The following FOCAD variants were observed in gnomAD, a reference collection of about 807,000 sequenced individuals.
The protein encoded by FOCAD is KIAA1797.
FOCAD carries 198 observed loss-of-function variants against 225.6 expected under a neutral mutation model. That is an observed-to-expected ratio of 0.88 (90% CI 0.78 to 0.99). The LOEUF is 0.99. FOCAD is among the 50% of genes least tolerant of loss of function. The pLI, the probability that FOCAD is intolerant of heterozygous loss-of-function variation, is 0.00. For synonymous variants in FOCAD, 897 were observed against 755.0 expected (o/e 1.19, Z -3.08); for missense variants, 2,713 against 2,123.6 (o/e 1.28, Z -5.46).
At chr9:20,814,287 CTTCTT>C (rs1345634336) in intron 11 of FOCAD, among the ~76,000 whole-genome samples, 2 of 151,584 alleles carry the variant, frequency 1.3e-5, no homozygotes, top group African/African-American at 2.4e-5. Flanking sequence ...CTCTTGCTGT[CTTCTT>C]TTATGTTTCA....
intron 35 of FOCAD, among the ~76,000 whole-genome samples, chr9:20,958,848 G>A (rs1474599184): frequency 6.6e-6 from 1 of 152,058 alleles, no homozygotes; most frequent in Non-Finnish European, 1.5e-5. Flanking sequence ...TTCTATCCAT[G>A]CTGCCATGAC....
intron 12 of FOCAD, among the ~76,000 whole-genome samples, 171 bp downstream of exon 12, chr9:20,820,071 A>G (rs533828646): frequency 1.3e-5 from 2 of 152,200 alleles, no homozygotes; most frequent in African/African-American, 2.4e-5. Context: ...AATATTTAAT[A>G]ATTAATTGTT....
Position 20,913,061 on chromosome 9 carries a change from G to A in FOCAD, c.2807+107G>A, listed in dbSNP as rs144572225. 377 of 812,204 alleles carry A rather than the reference G, an allele frequency of 4.6e-4. No homozygotes were observed. In the African/African-American group the frequency reaches 5.9e-3, roughly 13 times the overall value. The allele number at this position is 812,204 out of a possible 1,614,324, so 50.3% of individuals were successfully genotyped here. Reference sequence around the variant, plus strand: ...AGATTAGCAGGTTTAACCTCTATATGTGAGCCTGAAGGGGAAATGACAGAA... The same window carrying A: ...AGATTAGCAGGTTTAACCTCTATATATGAGCCTGAAGGGGAAATGACAGAA... On this transcript the variant is annotated intron_variant, in intron 23 of 43. Transcript: ENST00000338382.
intron 15 of FOCAD, among the ~76,000 whole-genome samples, chr9:20,859,706 T>C (rs1222764836): frequency 6.8e-6 from 1 of 147,026 alleles, no homozygotes; most frequent in African/African-American, 2.5e-5. Flanking sequence ...ATATATATAA[T>C]ATATATATTA....
intron 35 of FOCAD, among the ~76,000 whole-genome samples, chr9:20,956,829 A>G (rs933393798): frequency 6.6e-6 from 1 of 152,084 alleles, no homozygotes; most frequent in African/African-American, 2.4e-5. Flanking sequence ...TGCTTCTGGG[A>G]TTACAGCCAT....
At chr9:20,954,797 A>C (rs1003988627) in intron 35 of FOCAD, among the ~76,000 whole-genome samples, 1 of 152,208 alleles carries the variant, frequency 6.6e-6, no homozygotes, top group Non-Finnish European at 1.5e-5. Flanking sequence ...TTTGCTGACT[A>C]GATTCAGAGG....
At chr9:20,776,126 A>C (rs114007300) in intron 8 of FOCAD, among the ~76,000 whole-genome samples, 1 of 152,212 alleles carries the variant, frequency 6.6e-6, no homozygotes, top group Non-Finnish European at 1.5e-5. Context: ...GGCTACTGCT[A>C]CTAGTTGCTT....
At chr9:20,732,740 G>A (rs1206526987) in intron 4 of FOCAD, among the ~76,000 whole-genome samples, 3 of 152,164 alleles carry the variant, frequency 2.0e-5, no homozygotes, top group Non-Finnish European at 4.4e-5. Flanking sequence ...CGAGTGAGAG[G>A]TGATGGTTGC....
intron 18 of FOCAD, chr9:20,874,252 C>T (rs776331961): frequency 1.4e-4 from 22 of 159,530 alleles, no homozygotes; most frequent in Non-Finnish European, 1.5e-4. Context: ...TAAGCTCTGT[C>T]ATGGACATAT....
intron 4 of FOCAD, among the ~76,000 whole-genome samples, chr9:20,730,694 C>T (rs761264728): frequency 5.3e-5 from 8 of 152,084 alleles, no homozygotes; most frequent in Non-Finnish European, 7.4e-5. Flanking sequence ...GGACTTCTTG[C>T]CCCGGTCTTA....
chr9:20,938,293 C>T (rs550356146), intron 28 of FOCAD, among the ~76,000 whole-genome samples: 93 of 152,138 alleles, frequency 6.1e-4, no homozygotes, highest in African/African-American at 1.6e-3. Context: ...ATGTTTATTG[C>T]GGCACTATTC....
rs761094777 is a variant in FOCAD at position 20,789,589 on chromosome 9, C to T, written c.1436C>T (p.Ala479Val). The T allele has an allele frequency of 3.1e-6, 5 of 1,613,840 alleles. 1 individual carries two copies. The highest frequency in any genetic ancestry group is 3.3e-4 in the Middle Eastern group (2 of 6,060). ...HQILKVTTEL[A>V]QADSSQVPNL... ...ATACTCAAGGTCACTACAGAATTAGCCCAAGCAGATTCCTCCCAGGTAAAG... is the reference window on the plus strand; with the variant it reads ...ATACTCAAGGTCACTACAGAATTAGTCCAAGCAGATTCCTCCCAGGTAAAG... Residue 479 changes from alanine to valine, a missense_variant, in exon 11 of 44, where the codon GCC becomes GTC. Physicochemically the swap from Ala to Val is moderately conservative, Grantham distance 64. Coordinates refer to ENST00000338382, the MANE Select transcript of FOCAD (RefSeq NM_001375567.1).
At chr9:20,817,922 A>G (rs538407170) in intron 11 of FOCAD, among the ~76,000 whole-genome samples, 36 of 152,286 alleles carry the variant, frequency 2.4e-4, no homozygotes, top group African/African-American at 8.7e-4. Flanking sequence ...TTGCTACATC[A>G]CATGGTAATT....
chr9:20,831,359 A>G (rs1825476105), intron 15 of FOCAD, among the ~76,000 whole-genome samples: 2 of 152,082 alleles, frequency 1.3e-5, no homozygotes, highest in South Asian at 2.1e-4. Context: ...GCAACAACAA[A>G]CATGAGGTAG....
At position 20,986,283 on chromosome 9, in the gene FOCAD, T is replaced by TTTTTTTTTTTTTTG; in HGVS notation, c.4729-5_4729-4insTTTTTTTTTTTTTG. The TTTTTTTTTTTTTTG allele has an allele frequency of 6.8e-7, 1 of 1,476,884 alleles. No homozygotes were observed. Among genetic ancestry groups the TTTTTTTTTTTTTTG allele is most frequent in the Non-Finnish European group, 9.0e-7 (1 of 1,113,550 alleles). 91.5% of individuals were successfully genotyped at this position (1,476,884 alleles called of 1,614,324 possible). On this transcript the variant is annotated splice_polypyrimidine_tract_variant and splice_region_variant and intron_variant, in intron 39 of 43. Transcript: ENST00000338382. The stretch of plus-strand genomic sequence containing the variant: ...ACTAAACAATTTTTTTTTTTTTTTT[T>TTTTTTTTTTTTTTG]GCAGAGCAACATAGAAAAAGCTGCC...
rs200211682 is a variant in FOCAD at position 20,908,160 on chromosome 9, G to A, written c.2718+918G>A. On this transcript the variant is annotated intron_variant, in intron 22 of 43. Coordinates refer to ENST00000338382, the MANE Select transcript of FOCAD (RefSeq NM_001375567.1). Reference sequence around the variant, plus strand: ...AAAACAACTAGCTTAATTGTTTTTCGTAGCTTAAAATTGATTATTAAGGAT... The same window carrying A: ...AAAACAACTAGCTTAATTGTTTTTCATAGCTTAAAATTGATTATTAAGGAT... Among the ~76,000 whole-genome samples, 6 of 152,150 alleles carry A rather than the reference G, an allele frequency of 3.9e-5. No homozygotes were observed. In the East Asian group the frequency reaches 9.7e-4, roughly 25 times the overall value.
At chr9:20,757,617 A>T (rs955157694) in intron 5 of FOCAD, among the ~76,000 whole-genome samples, 10 of 152,172 alleles carry the variant, frequency 6.6e-5, no homozygotes, top group African/African-American at 1.9e-4. Flanking sequence ...CAATGGGAAT[A>T]ATGAAGTACC....
intron 8 of FOCAD, among the ~76,000 whole-genome samples, chr9:20,778,279 C>G (rs943107897): frequency 6.6e-6 from 1 of 151,968 alleles, no homozygotes; most frequent in Non-Finnish European, 1.5e-5. Flanking sequence ...GAATCTCGCT[C>G]TGCCACCCAG....
intron 20 of FOCAD, among the ~76,000 whole-genome samples, chr9:20,882,479 C>A (rs910921458): frequency 2.0e-5 from 3 of 152,206 alleles, no homozygotes; most frequent in African/African-American, 7.2e-5. Context: ...AAAGTGAAAT[C>A]CCTTTTAGTC....
Sources: gnomAD v4.1 joint callset for allele counts (sites outside exome capture counted in the v4.1 genomes callset) on GRCh38, gnomAD v4.1.1 for gene constraint, MANE v1.5 for transcripts, NCBI Gene and HGNC (gene_info 2026-07-23, HGNC 2026-07-21) for gene names.